Variants in POLE observed in about 807,000 individuals in gnomAD.
POLE encodes DNA polymerase epsilon catalytic subunit A.
POLE carries 188 observed loss-of-function variants against 279.2 expected under a neutral mutation model. That is an observed-to-expected ratio of 0.67 (90% CI 0.60 to 0.76). The LOEUF (loss-of-function observed/expected upper bound fraction) is 0.76, where lower values mean the gene tolerates loss of function less well. POLE is among the 30% of genes least tolerant of loss of function. The probability of loss-of-function intolerance (pLI) is 0.00; values close to 1 mark genes in which losing one functional copy is unlikely to be tolerated. For synonymous variants in POLE, 1,214 were observed against 1,172.5 expected (o/e 1.04, Z -0.72); for missense variants, 2,703 against 3,016.7 (o/e 0.90, Z 2.44).
In POLE at chr12:132,639,618, T is replaced by C. The variant is rs540371876; in HGVS notation, c.5379-320A>G. ...CAAGTGTGTGACGGGCCGGGGACCC[T>C]GACAGGAAGGACACAGCAAAGCCAC... is the stretch of plus-strand genomic sequence containing the variant. On this transcript the variant is annotated intron_variant, in intron 39 of 48. Transcript: ENST00000320574. The surrounding 1 kb of genome is among the most constrained non-coding windows in gnomAD (Gnocchi z 4.7). Among the ~76,000 whole-genome samples the C allele has an allele frequency of 1.3e-5, 2 of 152,286 alleles. No individual in the cohort carries two copies. Among genetic ancestry groups the C allele is most frequent in the Admixed American group, 6.5e-5 (1 of 15,288 alleles).
At chr12:132,650,790 A>G (rs1214232528) in intron 29 of POLE, 1 of 151,512 alleles carries the variant, frequency 6.6e-6, no homozygotes, top group East Asian at 1.9e-4. Flanking sequence ...AATTTTTACC[A>G]CATGTCCACA....
intron 26 of POLE, 172 bp from the exon 27 acceptor site, chr12:132,658,142 G>C: frequency 1.9e-6 from 1 of 534,090 alleles, no homozygotes; most frequent in Admixed American, 3.5e-5. Flanking sequence ...GGTTCCTCGG[G>C]GAGTAACACG....
At chr12:132,685,478 C>CACA (rs2043239068) in intron 1 of POLE, among the ~76,000 whole-genome samples, 2 of 152,280 alleles carry the variant, frequency 1.3e-5, no homozygotes, top group African/African-American at 4.8e-5. Flanking sequence ...GCACCCACTG[C>CACA]CTCCTGGGGC....
intron 23 of POLE, among the ~76,000 whole-genome samples, chr12:132,662,117 G>C (rs2042695454): frequency 6.6e-6 from 1 of 152,198 alleles, no homozygotes; most frequent in African/African-American, 2.4e-5. Context: ...GTCACTGTGT[G>C]CAAATTACAA....
intron 29 of POLE, among the ~76,000 whole-genome samples, chr12:132,655,603 ATTC>A (rs1335005079): frequency 6.6e-6 from 1 of 152,150 alleles, no homozygotes; most frequent in African/African-American, 2.4e-5. Context: ...TTGGAGGTAA[ATTC>A]TTCTTATAAT....
rs1284129543 is a variant in POLE at position 132,636,015 on chromosome 12, T to C, written c.5688A>G (p.Ser1896=). ...TTGTCAGAGAATGGAAGGTCTCCTT[T>C]GAATGGATGCTGCAGAGGAAGCATT... is the stretch of plus-strand genomic sequence containing the variant. ...YVEYITSSIH[S]KETFHSLTIS... is the part of the protein sequence containing the mutation. The change falls in exon 42 of 49, where the codon TCA becomes TCG. Residue 1896 remains serine (S), a synonymous_variant. Transcript: ENST00000320574. 1 of 1,613,460 alleles carries C rather than the reference T, an allele frequency of 6.2e-7. No homozygotes were observed. Among genetic ancestry groups the C allele is most frequent in the Admixed American group, 1.7e-5 (1 of 59,836 alleles).
At position 132,679,832 on chromosome 12, in the gene POLE, G is replaced by A. The variant is rs767504712; in HGVS notation, c.423+122C>T. 56 of 970,692 alleles carry A rather than the reference G, an allele frequency of 5.8e-5. 1 individual carries two copies. Among genetic ancestry groups the A allele is most frequent in the South Asian group, 4.4e-4 (28 of 63,004 alleles). The allele number at this position is 970,692 out of a possible 1,614,324, so 60.1% of individuals were successfully genotyped here. The stretch of plus-strand genomic sequence containing the variant: ...GCTCTTTGGAAGGAATTTTATAGAC[G>A]GTCACCACACCGCCCCATCACCCAA... On this transcript the variant is annotated intron_variant, in intron 5 of 48. Coordinates refer to ENST00000320574, the MANE Select transcript of POLE (RefSeq NM_006231.4).
chr12:132,681,093 G>T (rs756775640), intron 2 of POLE, 45 bp downstream of exon 2: 1 of 1,608,774 alleles, frequency 6.2e-7, no homozygotes, highest in East Asian at 2.2e-5. Context: ...ATGACCAGAA[G>T]GGTTGCAGCC....
At chr12:132,679,203 G>A (rs912754909) in intron 6 of POLE, among the ~76,000 whole-genome samples, 1 of 152,134 alleles carries the variant, frequency 6.6e-6, no homozygotes, top group African/African-American at 2.4e-5. Flanking sequence ...ATTGTGTTAG[G>A]GCAGTAGGAT....
chr12:132,648,484 G>C (rs528958652), intron 32 of POLE: 1 of 152,964 alleles, frequency 6.5e-6, no homozygotes, highest in Admixed American at 6.5e-5. Context: ...ATGGATCCCA[G>C]AAATCAAAGT....
At chr12:132,663,597 G>A (rs2042725910) in intron 23 of POLE, among the ~76,000 whole-genome samples, 1 of 152,096 alleles carries the variant, frequency 6.6e-6, no homozygotes, top group Non-Finnish European at 1.5e-5. Flanking sequence ...GAGGGGCTAT[G>A]GTGGGAAATG....
At chr12:132,676,473 G>A in intron 9 of POLE, 73 bp downstream of exon 9, 1 of 966,980 alleles carries the variant, frequency 1.0e-6, no homozygotes, top group Non-Finnish European at 1.7e-6. Flanking sequence ...CAGTGGGGCA[G>A]ATGCTGCTGT....
rs897398988 is a variant in POLE, at chr12:132,664,945, C to T, written c.2468+357G>A. Among the ~76,000 whole-genome samples the T allele has an allele frequency of 2.6e-5, 4 of 152,082 alleles. No homozygotes were observed. The highest frequency in any genetic ancestry group is 4.4e-5 in the Non-Finnish European group (3 of 67,978). On this transcript the variant is annotated intron_variant, in intron 21 of 48. Transcript: ENST00000320574. This position sits in a 1 kb window ranked among gnomAD's most constrained non-coding sequence, Gnocchi z 5.3. ...TTGTCAGTTGCTTCTCTGCCCCTCC[C>T]GGACACGCAGACATGCTGTGAAGCA...
chr12:132,659,693 A>G lies in POLE; in HGVS notation c.3061-184T>C, dbSNP rs528032568. ...AACATACACACACACACAAAACTTTAGCTTTTATATTTTTTTTGAGACAGA... is the reference window on the plus strand; with the variant it reads ...AACATACACACACACACAAAACTTTGGCTTTTATATTTTTTTTGAGACAGA... On this transcript the variant is annotated intron_variant, in intron 25 of 48. Coordinates refer to ENST00000320574, the MANE Select transcript of POLE (RefSeq NM_006231.4). 4 of 592,182 alleles carry G rather than the reference A, an allele frequency of 6.8e-6. No individual in the cohort carries two copies. In the African/African-American group the frequency reaches 7.4e-5, roughly 11 times the overall value. The allele number at this position is 592,182 out of a possible 1,614,324, so 36.7% of individuals were successfully genotyped here.
chr12:132,626,468 A>G, intron 45 of POLE, 151 bp from the exon 46 acceptor site: 1 of 666,574 alleles, frequency 1.5e-6, no homozygotes, highest in Non-Finnish European at 2.6e-6. Context: ...TGACTTCTCT[A>G]CATTAGCAGT....
At chr12:132,685,684 C>T (rs1202462729) in intron 1 of POLE, among the ~76,000 whole-genome samples, 2 of 152,302 alleles carry the variant, frequency 1.3e-5, no homozygotes, top group East Asian at 1.9e-4. Context: ...AGTCAGTAAC[C>T]GTCTCTAAGC....
At position 132,649,049 on chromosome 12, in the gene POLE, G is replaced by A. The variant is rs1321165215; in HGVS notation, c.4029C>T (p.Gly1343=). The A allele has an allele frequency of 6.2e-7, 1 of 1,612,894 alleles. No homozygotes were observed. Among genetic ancestry groups the A allele is most frequent in the East Asian group, 2.2e-5 (1 of 44,876 alleles). Residue 1343 remains glycine, a synonymous_variant, in exon 32 of 49, where the codon GGC becomes GGT. Transcript: ENST00000320574. The part of the protein sequence containing the change: ...IVQISETSQA[G]LFRLWALVGS... ...CAACGAGCGCCCACAGCCTGAACAGGCCGGCCTGGCTGGTCTCGCTGATCT... is the reference window on the plus strand; with the variant it reads ...CAACGAGCGCCCACAGCCTGAACAGACCGGCCTGGCTGGTCTCGCTGATCT...
Position 132,675,846 on chromosome 12 carries a change from G to A in POLE, c.1021-26C>T, listed in dbSNP as rs2136012431. 2 of 1,556,746 alleles carry A rather than the reference G, an allele frequency of 1.3e-6. No individual in the cohort carries two copies. The highest frequency in any genetic ancestry group is 1.1e-5 in the South Asian group (1 of 89,952). The stretch of plus-strand genomic sequence containing the variant: ...CTGAACCCAAGTCACAGCAGTCAGA[G>A]GTCTGCTCTTTCTCTTCTTCAAGCT... On this transcript the variant is annotated intron_variant, in intron 10 of 48. Coordinates refer to ENST00000320574, the MANE Select transcript of POLE (RefSeq NM_006231.4). The surrounding 1 kb of genome is among the most constrained non-coding windows in gnomAD (Gnocchi z 4.3).
intron 16 of POLE, among the ~76,000 whole-genome samples, chr12:132,669,422 C>T (rs2042873966): frequency 6.6e-6 from 1 of 151,836 alleles, no homozygotes; most frequent in Non-Finnish European, 1.5e-5. Flanking sequence ...CCAGATTGCA[C>T]CACTGCACTC....
Sources: gnomAD v4.1 joint callset for allele counts (sites outside exome capture counted in the v4.1 genomes callset) on GRCh38, gnomAD v4.1.1 for gene constraint, Gnocchi (gnomAD v3.1) non-coding constraint, MANE v1.5 for transcripts, NCBI Gene and HGNC (gene_info 2026-07-23, HGNC 2026-07-21) for gene names.